PLPP4: variants seen among roughly 807,000 people sequenced by gnomAD.
PLPP4 encodes phospholipid phosphatase 4, also known as diacylglycerol pyrophosphate like 2.
Under a neutral mutation model 32.2 loss-of-function variants are expected in PLPP4, and 20 were observed. The ratio of observed to expected loss-of-function variants is 0.62; its 90% confidence interval spans 0.44 to 0.90. The LOEUF is 0.90. PLPP4 is among the 40% of genes least tolerant of loss of function. The probability of loss-of-function intolerance (pLI) is 0.00; values close to 1 mark genes in which losing one functional copy is unlikely to be tolerated. For missense variants in PLPP4, 257 were observed against 353.1 expected (o/e 0.73, Z 2.18); for synonymous variants, 127 against 133.0 (o/e 0.95, Z 0.31).
At chr10:120,543,529 G>T (rs1847461495) in intron 5 of PLPP4, among the ~76,000 whole-genome samples, 1 of 152,136 alleles carries the variant, frequency 6.6e-6, no homozygotes, top group South Asian at 2.1e-4. Context: ...TTGTCATTTG[G>T]CCCTGACTAA....
intron 6 of PLPP4, among the ~76,000 whole-genome samples, chr10:120,584,105 G>C (rs1849644735): frequency 4.6e-5 from 7 of 152,112 alleles, no homozygotes. Flanking sequence ...GATTTACCAA[G>C]CCTCCTTTGT....
intron 2 of PLPP4, among the ~76,000 whole-genome samples, chr10:120,507,822 T>C (rs1391810301): frequency 6.6e-6 from 1 of 152,100 alleles, no homozygotes; most frequent in African/African-American, 2.4e-5. Flanking sequence ...GCTAATTCAG[T>C]GGATGGTTAT....
chr10:120,580,080 ACTGCACTCCAGC>A, intron 6 of PLPP4, among the ~76,000 whole-genome samples: 1 of 142,144 alleles, frequency 7.0e-6, no homozygotes, highest in Non-Finnish European at 1.5e-5. Flanking sequence ...AGATCATGCC[ACTGCACTCCAGC>A]CTGCGCGACA....
intron 1 of PLPP4, among the ~76,000 whole-genome samples, chr10:120,492,239 A>G (rs1013713833): frequency 3.3e-5 from 5 of 152,178 alleles, no homozygotes; most frequent in African/African-American, 1.2e-4. Flanking sequence ...GTGTTCAGAC[A>G]ATGAAAATAT....
At chr10:120,462,295 G>A (rs1448821895) in intron 1 of PLPP4, among the ~76,000 whole-genome samples, 2 of 152,150 alleles carry the variant, frequency 1.3e-5, no homozygotes, top group South Asian at 4.1e-4. Context: ...TCAGGGCCCT[G>A]CAGGGCAGGG....
At chr10:120,581,821 G>T (rs78914126) in intron 6 of PLPP4, among the ~76,000 whole-genome samples, 4 of 152,048 alleles carry the variant, frequency 2.6e-5, no homozygotes, top group Non-Finnish European at 4.4e-5. Flanking sequence ...CTCCCCTTGC[G>T]CATTTACCAC....
chr10:120,531,699 A>G (rs199930994), intron 5 of PLPP4, among the ~76,000 whole-genome samples: 2 of 152,246 alleles, frequency 1.3e-5, no homozygotes, highest in East Asian at 1.9e-4. Context: ...TTTCACTATC[A>G]AATTACTTTG....
intron 1 of PLPP4, among the ~76,000 whole-genome samples, chr10:120,479,251 C>CA (rs149315926): frequency 2.3e-4 from 35 of 150,750 alleles, no homozygotes; most frequent in East Asian, 3.9e-4. Context: ...AAAAACAAAC[C>CA]AAAAAAAAAC....
At chr10:120,462,499 C>T (rs1848101089) in intron 1 of PLPP4, among the ~76,000 whole-genome samples, 3 of 152,212 alleles carry the variant, frequency 2.0e-5, no homozygotes, top group African/African-American at 7.2e-5. Context: ...GTACTGTCTG[C>T]ACTGCGTTGT....
intron 6 of PLPP4, among the ~76,000 whole-genome samples, chr10:120,582,882 C>A (rs747656957): frequency 2.0e-5 from 3 of 150,582 alleles, no homozygotes; most frequent in Admixed American, 6.7e-5. Flanking sequence ...GGGCTCAGTA[C>A]TGAGTAAGAT....
rs35501001 is a variant in PLPP4 at position 120,528,069 on chromosome 10, G to GTTTT, written c.445+6994_445+6997dup. ...GGAAATTTGAAAAATACCACTCTCC[G>GTTTT]TTTTTTTTTTTTTTTTTTTTTTTGA... On this transcript the variant is annotated intron_variant, in intron 5 of 6. Coordinates refer to ENST00000398250, the MANE Select transcript of PLPP4 (RefSeq NM_001030059.3). 9.3e-3 allele frequency among the ~76,000 whole-genome samples: 787 copies of GTTTT among 84,178 alleles called. 14 individuals carry two copies. Among genetic ancestry groups the GTTTT allele is most frequent in the Middle Eastern group, 0.01 (1 of 98 alleles). The allele number at this position is 84,178 out of a possible 152,430, so 55.2% of individuals were successfully genotyped here.
intron 1 of PLPP4, among the ~76,000 whole-genome samples, chr10:120,476,300 C>G (rs1183228205): frequency 6.6e-6 from 1 of 151,924 alleles, no homozygotes; most frequent in Non-Finnish European, 1.5e-5. Context: ...TGCTTCTTCT[C>G]TTTTTTTTGT....
At chr10:120,509,876 A>T (rs972130936) in intron 2 of PLPP4, among the ~76,000 whole-genome samples, 5 of 152,144 alleles carry the variant, frequency 3.3e-5, no homozygotes, top group African/African-American at 1.2e-4. Flanking sequence ...CTTGGAAAAA[A>T]AGCATGCACT....
At chr10:120,485,467 G>A (rs2133825706) in intron 1 of PLPP4, among the ~76,000 whole-genome samples, 1 of 152,312 alleles carries the variant, frequency 6.6e-6, no homozygotes, top group African/African-American at 2.4e-5. Flanking sequence ...CCTACTTCCA[G>A]CCCAGGCCAG....
At position 120,503,842 on chromosome 10, in the gene PLPP4, C is replaced by G; in HGVS notation, c.81C>G (p.Phe27Leu). ...VFVFTEFLDP[F>L]QRVIQPEEIW... ...GTTTTACAGAGTTTTTGGATCCGTT[C>G]CAGAGAGTCATCCAGCCAGAAGAGA... The change falls in exon 2 of 7, where the codon TTC becomes TTG. Residue 27 changes from phenylalanine (F) to leucine (L), a missense_variant. Phe to Leu is a conservative substitution (Grantham distance 22). Coordinates refer to ENST00000398250, the MANE Select transcript of PLPP4 (RefSeq NM_001030059.3). The G allele has an allele frequency of 6.2e-7, 1 of 1,613,732 alleles. No homozygotes were observed. The highest frequency in any genetic ancestry group is 8.5e-7 in the Non-Finnish European group (1 of 1,179,674).
intron 1 of PLPP4, among the ~76,000 whole-genome samples, chr10:120,479,143 G>A (rs1013805856): frequency 2.0e-5 from 3 of 152,032 alleles, no homozygotes; most frequent in African/African-American, 4.8e-5. Flanking sequence ...GGAGAATGGC[G>A]TGAACCCGGG....
intron 5 of PLPP4, among the ~76,000 whole-genome samples, chr10:120,546,652 T>C (rs1033904540): frequency 3.3e-5 from 5 of 152,174 alleles, no homozygotes; most frequent in African/African-American, 1.2e-4. Flanking sequence ...CCCAACGCAG[T>C]GCCCTCCTGG....
chr10:120,486,259 TAAG>T (rs796661909), intron 1 of PLPP4, among the ~76,000 whole-genome samples: 12 of 45,108 alleles, frequency 2.7e-4, no homozygotes, highest in East Asian at 1.8e-3. Flanking sequence ...CCATTTCATT[TAAG>T]TTTTTTTTTT....
intron 5 of PLPP4, among the ~76,000 whole-genome samples, chr10:120,537,912 A>C (rs1489085738): frequency 6.7e-6 from 1 of 150,308 alleles, no homozygotes; most frequent in Non-Finnish European, 1.5e-5. Context: ...AAATTGTCCC[A>C]ATCCTGAGCT....
Sources: allele counts gnomAD v4.1 joint callset (sites outside exome capture counted in the v4.1 genomes callset), GRCh38; gene constraint gnomAD v4.1.1; transcripts MANE v1.5; gene names NCBI Gene and HGNC (gene_info 2026-07-23, HGNC 2026-07-21).